SPTLC3: variants seen among roughly 807,000 people sequenced by gnomAD.
SPTLC3 encodes serine palmitoyltransferase 3.
SPTLC3 carries 36 observed loss-of-function variants against 59.3 expected under a neutral mutation model. The observed-to-expected ratio is 0.61, with a 90% confidence interval of 0.47 to 0.80. The LOEUF (loss-of-function observed/expected upper bound fraction) is 0.80. SPTLC3 is among the 30% of genes least tolerant of loss of function. SPTLC3 has a pLI of 0.00. For synonymous variants in SPTLC3, 257 were observed against 240.8 expected, an observed-to-expected ratio of 1.07 and a Z score of -0.62; for missense variants, 625 against 685.1, an observed-to-expected ratio of 0.91 and a Z score of 0.98.
intron 1 of SPTLC3, among the ~76,000 whole-genome samples, chr20:13,037,704 G>A (rs191014152): frequency 1.7e-3 from 260 of 152,206 alleles, no homozygotes; most frequent in African/African-American, 5.8e-3. Flanking sequence ...TTAGAGATGC[G>A]GAAATATTTT....
At position 13,165,154 on chromosome 20, in the gene SPTLC3, T is replaced by G. The variant is rs183283922; in HGVS notation, c.*287T>G. 1 of 310,702 alleles carries G rather than the reference T, an allele frequency of 3.2e-6. No individual in the cohort carries two copies. Among genetic ancestry groups the G allele is most frequent in the East Asian group, 6.3e-5 (1 of 15,992 alleles). The allele number at this position is 310,702 out of a possible 1,614,324, so 19.2% of individuals were successfully genotyped here. On this transcript the variant is annotated 3_prime_UTR_variant, in exon 12 of 12. Coordinates refer to ENST00000399002, the MANE Select transcript of SPTLC3 (RefSeq NM_018327.4). ...AATATTTTTAATGGCAATAAGCCTGTGTTTTAGCTGCTACTGTGCAGACCC... is the reference window on the plus strand; with the variant it reads ...AATATTTTTAATGGCAATAAGCCTGGGTTTTAGCTGCTACTGTGCAGACCC...
intron 6 of SPTLC3, among the ~76,000 whole-genome samples, chr20:13,098,231 T>A (rs149001471): frequency 3.2e-4 from 49 of 152,280 alleles, no homozygotes; most frequent in African/African-American, 1.2e-3. Context: ...ACCCTATTCT[T>A]AAAGAAGACA....
At chr20:13,107,073 T>C (rs952565206) in intron 6 of SPTLC3, among the ~76,000 whole-genome samples, 3 of 152,138 alleles carry the variant, frequency 2.0e-5, no homozygotes, top group Non-Finnish European at 2.9e-5. Flanking sequence ...TAAAAAATGG[T>C]AAGAAAAACA....
intron 5 of SPTLC3, among the ~76,000 whole-genome samples, chr20:13,092,443 A>T (rs1193589157): frequency 6.6e-6 from 1 of 152,248 alleles, no homozygotes; most frequent in Non-Finnish European, 1.5e-5. Context: ...GCACCAAACA[A>T]CATCAAACGA....
intron 4 of SPTLC3, among the ~76,000 whole-genome samples, chr20:13,089,727 A>G (rs1568596719): frequency 6.8e-6 from 1 of 147,812 alleles, no homozygotes; most frequent in African/African-American, 2.5e-5. Flanking sequence ...CTGAGGTTGC[A>G]GTGAGTCAAG....
intron 1 of SPTLC3, among the ~76,000 whole-genome samples, chr20:13,044,277 T>C (rs575474897): frequency 1.1e-4 from 17 of 151,906 alleles, no homozygotes; most frequent in African/African-American, 4.1e-4. Context: ...ATTTTTGTAT[T>C]TTTTAGTAGA....
rs547909828 is a variant in SPTLC3 at position 13,085,888 on chromosome 20, A to G, written c.608-5195A>G. Among the ~76,000 whole-genome samples, 5 of 152,308 alleles carry G rather than the reference A, an allele frequency of 3.3e-5. No homozygotes were observed. The South Asian group carries it at 1.0e-3, about 32-fold the overall frequency. On this transcript the variant is annotated intron_variant, in intron 4 of 11. Coordinates refer to ENST00000399002, the MANE Select transcript of SPTLC3 (RefSeq NM_018327.4). ...AGGATACTTCCAGTTTATGTTTATT[A>G]CTTTATTCATAAGGCAGGTTTTGAG...
Position 13,079,850 on chromosome 20 carries a change from C to T in SPTLC3, c.607+5353C>T, listed in dbSNP as rs1403096341. Reference sequence around the variant, plus strand: ...ACCCTGGTCATGGAAAATGGGCAGGCACTCTTCCCTGTTGGAGGTGAGGCA... The same window carrying T: ...ACCCTGGTCATGGAAAATGGGCAGGTACTCTTCCCTGTTGGAGGTGAGGCA... On this transcript the variant is annotated intron_variant, in intron 4 of 11. Transcript: ENST00000399002. 8.9e-6 allele frequency: 4 copies of T among 449,196 alleles called. No individual in the cohort carries two copies. In the Admixed American group the frequency reaches 1.0e-4, roughly 11 times the overall value. 27.8% of individuals were successfully genotyped at this position (449,196 alleles called of 1,614,324 possible).
chr20:13,028,207 G>A (rs1363711095), intron 1 of SPTLC3, among the ~76,000 whole-genome samples: 4 of 152,124 alleles, frequency 2.6e-5, no homozygotes, highest in Non-Finnish European at 5.9e-5. Context: ...ATGGCAGAAC[G>A]GATATCAGAT....
chr20:13,164,251 T>G, intron 11 of SPTLC3: 1 of 435,562 alleles, frequency 2.3e-6, no homozygotes, highest in Non-Finnish European at 4.7e-6. Flanking sequence ...TAGTATTTTC[T>G]GGGACACAGA....
intron 2 of SPTLC3, among the ~76,000 whole-genome samples, chr20:13,058,512 A>G (rs1327321361): frequency 2.0e-5 from 3 of 152,174 alleles, no homozygotes; most frequent in African/African-American, 7.2e-5. Context: ...AAAGATACAA[A>G]TACCTAGGCT....
chr20:13,080,015 G>A (rs77523068), intron 4 of SPTLC3: 44 of 252,520 alleles, frequency 1.7e-4, no homozygotes, highest in African/African-American at 6.1e-4. Context: ...GAAAAGATTC[G>A]GCAAAGTGAA....
intron 7 of SPTLC3, among the ~76,000 whole-genome samples, chr20:13,110,905 C>T (rs1600296098): frequency 6.6e-6 from 1 of 152,158 alleles, no homozygotes. Flanking sequence ...GAAGTGAAGG[C>T]TGTTCAACTT....
intron 4 of SPTLC3, among the ~76,000 whole-genome samples, chr20:13,089,335 C>T (rs1989125764): frequency 6.6e-6 from 1 of 152,142 alleles, no homozygotes; most frequent in Non-Finnish European, 1.5e-5. Context: ...ATTCAGAAAG[C>T]ACTGCTCAAT....
At chr20:13,021,694 G>A (rs776524953) in intron 1 of SPTLC3, among the ~76,000 whole-genome samples, 10 of 152,160 alleles carry the variant, frequency 6.6e-5, no homozygotes, top group Non-Finnish European at 1.3e-4. Flanking sequence ...GCACACAGCA[G>A]TAGGAGCCCA....
chr20:13,051,037 A>G (rs1428163091), intron 2 of SPTLC3: 1 of 152,162 alleles, frequency 6.6e-6, no homozygotes, highest in African/African-American at 2.4e-5. Context: ...AAAAGAAAAA[A>G]CCCAAAGTAC....
intron 6 of SPTLC3, among the ~76,000 whole-genome samples, chr20:13,107,579 G>A (rs1207337616): frequency 2.6e-5 from 4 of 152,116 alleles, no homozygotes; most frequent in Non-Finnish European, 5.9e-5. Context: ...CAGGAGGCCT[G>A]TTTTGCAGAT....
intron 1 of SPTLC3, among the ~76,000 whole-genome samples, chr20:13,037,064 C>T (rs1986768872): frequency 6.6e-6 from 1 of 152,132 alleles, no homozygotes; most frequent in African/African-American, 2.4e-5. Context: ...AATGCCTTCC[C>T]CTTATGCCAC....
chr20:13,142,194 G>A (rs1342820383), intron 9 of SPTLC3, among the ~76,000 whole-genome samples: 1 of 152,198 alleles, frequency 6.6e-6, no homozygotes, highest in Non-Finnish European at 1.5e-5. Flanking sequence ...AGAATGTAAA[G>A]AGAATCTGTG....
Sources: gnomAD v4.1 joint callset for allele counts (sites outside exome capture counted in the v4.1 genomes callset) on GRCh38, gnomAD v4.1.1 for gene constraint, MANE v1.5 for transcripts, NCBI Gene and HGNC (gene_info 2026-07-23, HGNC 2026-07-21) for gene names.